The following MARCHF6 variants were observed in gnomAD, a reference collection of about 807,000 sequenced individuals.
The protein encoded by MARCHF6 is E3 ubiquitin-protein ligase MARCHF6.
Under a neutral mutation model 133.7 loss-of-function variants are expected in MARCHF6, and 31 were observed. The observed-to-expected ratio is 0.23, with a 90% confidence interval of 0.17 to 0.31. The LOEUF is 0.31. Ranked by LOEUF, MARCHF6 falls within the 10% of genes least tolerant of loss-of-function variation. The pLI is 1.00. For missense variants in MARCHF6, 723 were observed against 1,121.6 expected (o/e 0.64, Z 5.08); for synonymous variants, 395 against 402.5 (o/e 0.98, Z 0.22).
chr5:10,432,176 G>GAGAA (rs373209474), intron 25 of MARCHF6, among the ~76,000 whole-genome samples: 89 of 152,344 alleles, frequency 5.8e-4, no homozygotes, highest in African/African-American at 2.1e-3. Flanking sequence ...AGTCAAGGTA[G>GAGAA]AGAAGGTACT....
At chr5:10,424,729 G>T (rs1739995668) in intron 23 of MARCHF6, among the ~76,000 whole-genome samples, 1 of 152,146 alleles carries the variant, frequency 6.6e-6, no homozygotes, top group Admixed American at 6.5e-5. Flanking sequence ...GTGGGGGAAA[G>T]GTTATTGCTC....
Position 10,377,897 on chromosome 5 carries a change from A to G in MARCHF6, c.116+3A>G. 6.3e-7 allele frequency: 1 copy of G among 1,587,814 alleles called. No individual in the cohort carries two copies. Among genetic ancestry groups the G allele is most frequent in the Non-Finnish European group, 8.6e-7 (1 of 1,156,274 alleles). The stretch of plus-strand genomic sequence containing the variant: ...ATTAAGTTTATCCATCAAGAATGGT[A>G]AGTCATACTTTTAGAAAGTTATGTA... On this transcript the variant is annotated splice_donor_region_variant and intron_variant, in intron 2 of 25. Coordinates refer to ENST00000274140, the MANE Select transcript of MARCHF6 (RefSeq NM_005885.4).
intron 19 of MARCHF6, among the ~76,000 whole-genome samples, chr5:10,413,654 TG>T (rs773588833): frequency 2.0e-5 from 3 of 152,206 alleles, no homozygotes; most frequent in Non-Finnish European, 4.4e-5. Context: ...CTCACAATCA[TG>T]GTGGAAGGTG....
rs1044353474 is a variant in MARCHF6 at position 10,378,630 on chromosome 5, C to T, written c.117-129C>T. On this transcript the variant is annotated intron_variant, in intron 2 of 25. Coordinates refer to ENST00000274140, the MANE Select transcript of MARCHF6 (RefSeq NM_005885.4). ...GCAGTTACAAAAAGTTAAGAATATT[C>T]TAAATTTGAAAATTTTGAAACTAAA... The T allele has an allele frequency of 9.9e-6, 6 of 607,546 alleles. No individual in the cohort carries two copies. The African/African-American group carries it at 1.2e-4, about 12-fold the overall frequency. The allele number at this position is 607,546 out of a possible 1,614,324, so 37.6% of individuals were successfully genotyped here. A position where few individuals can be genotyped will look rare whatever the true frequency, so the allele number is the denominator to read the frequency against.
rs972768964 is a variant in MARCHF6 at position 10,419,296 on chromosome 5, C to T, written c.2283+1892C>T. On this transcript the variant is annotated intron_variant, in intron 22 of 25. Coordinates refer to ENST00000274140, the MANE Select transcript of MARCHF6 (RefSeq NM_005885.4). ...TAGTCACTACGTAATTATAAAATTACGTAGGCTTGTTAGGCCTCAGTTATA... is the reference window on the plus strand; with the variant it reads ...TAGTCACTACGTAATTATAAAATTATGTAGGCTTGTTAGGCCTCAGTTATA... Among the ~76,000 whole-genome samples the T allele has an allele frequency of 3.9e-5, 6 of 152,216 alleles. No homozygotes were observed. In the East Asian group the frequency reaches 5.8e-4, roughly 15 times the overall value.
intron 5 of MARCHF6, among the ~76,000 whole-genome samples, chr5:10,387,622 G>T (rs1293418237): frequency 2.6e-5 from 4 of 151,898 alleles, no homozygotes; most frequent in African/African-American, 9.7e-5. Flanking sequence ...TTTTAAATAG[G>T]CTGTCACGCA....
chr5:10,365,985 T>C (rs574361759), intron 1 of MARCHF6, among the ~76,000 whole-genome samples: 1 of 152,304 alleles, frequency 6.6e-6, no homozygotes, highest in Non-Finnish European at 1.5e-5. Context: ...CAGGCTGGAA[T>C]GCAGTCACGC....
chr5:10,424,920 G>C (rs1258024341), intron 23 of MARCHF6, among the ~76,000 whole-genome samples: 1 of 152,310 alleles, frequency 6.6e-6, no homozygotes, highest in South Asian at 2.1e-4. Flanking sequence ...AGACTAGAAA[G>C]TATGGTAATT....
intron 4 of MARCHF6, among the ~76,000 whole-genome samples, chr5:10,385,751 A>G (rs1264688467): frequency 6.6e-6 from 1 of 152,254 alleles, no homozygotes; most frequent in African/African-American, 2.4e-5. Flanking sequence ...AAGAACTTTT[A>G]TACACCAGAA....
intron 5 of MARCHF6, among the ~76,000 whole-genome samples, chr5:10,390,051 T>C (rs1737730166): frequency 1.3e-5 from 2 of 152,200 alleles, no homozygotes; most frequent in South Asian, 4.1e-4. Context: ...AGATAGGCTA[T>C]GGATAGGTAA....
intron 17 of MARCHF6, among the ~76,000 whole-genome samples, chr5:10,408,536 A>G (rs967332686): frequency 1.3e-5 from 2 of 152,150 alleles, no homozygotes; most frequent in African/African-American, 2.4e-5. Context: ...TAAGGTTTTT[A>G]AATTTTATTT....
At chr5:10,404,076 T>TTACTTAC (rs1554023553) in intron 15 of MARCHF6, among the ~76,000 whole-genome samples, 1 of 136,210 alleles carries the variant, frequency 7.3e-6, no homozygotes, top group Non-Finnish European at 1.6e-5. Context: ...TATTTATTTA[T>TTACTTAC]TTACTTATTT....
At chr5:10,366,169 T>C (rs780416137) in intron 1 of MARCHF6, among the ~76,000 whole-genome samples, 5 of 152,060 alleles carry the variant, frequency 3.3e-5, no homozygotes, top group Admixed American at 2.6e-4. Context: ...TGGACTCAAG[T>C]GATCCATCTT....
chr5:10,385,582 G>T (rs1737418257), intron 4 of MARCHF6, among the ~76,000 whole-genome samples: 1 of 152,130 alleles, frequency 6.6e-6, no homozygotes, highest in Non-Finnish European at 1.5e-5. Context: ...AGCAGCACAG[G>T]TTAATGCTAA....
chr5:10,400,783 G>A lies in MARCHF6; in HGVS notation c.914-1G>A. 1 of 1,611,102 alleles carries A rather than the reference G, an allele frequency of 6.2e-7. No homozygotes were observed. The highest frequency in any genetic ancestry group is 8.5e-7 in the Non-Finnish European group (1 of 1,177,572). ...TCATGGAATTTTTTCCCCCTTTTTAGCATTTTGCCCTTACCATATTGGTCA... is the reference window on the plus strand; with the variant it reads ...TCATGGAATTTTTTCCCCCTTTTTAACATTTTGCCCTTACCATATTGGTCA... On this transcript the variant is annotated splice_acceptor_variant, in intron 10 of 25. Transcript: ENST00000274140. LOFTEE classifies it high-confidence loss of function.
chr5:10,385,919 G>A (rs1337699983), intron 4 of MARCHF6, among the ~76,000 whole-genome samples: 1 of 152,000 alleles, frequency 6.6e-6, no homozygotes, highest in East Asian at 1.9e-4. Context: ...TTTATATACA[G>A]ATACACACAA....
intron 24 of MARCHF6, among the ~76,000 whole-genome samples, chr5:10,427,436 C>G (rs1391103601): frequency 1.3e-5 from 2 of 152,172 alleles, no homozygotes; most frequent in Non-Finnish European, 2.9e-5. Flanking sequence ...CAAGGCTCCT[C>G]CTTTTGCTTT....
intron 9 of MARCHF6, among the ~76,000 whole-genome samples, chr5:10,395,823 A>G (rs925026651): frequency 1.3e-5 from 2 of 152,218 alleles, no homozygotes; most frequent in Non-Finnish European, 2.9e-5. Flanking sequence ...GATGTTAACC[A>G]GAAGAGGATG....
intron 21 of MARCHF6, among the ~76,000 whole-genome samples, chr5:10,415,891 G>A (rs1377435629): frequency 6.6e-6 from 1 of 152,236 alleles, no homozygotes; most frequent in Non-Finnish European, 1.5e-5. Context: ...AAGAAAAACA[G>A]GTTGGGCACA....
Sources: allele counts gnomAD v4.1 joint callset (sites outside exome capture counted in the v4.1 genomes callset), GRCh38; gene constraint gnomAD v4.1.1; transcripts MANE v1.5; gene names NCBI Gene and HGNC (gene_info 2026-07-23, HGNC 2026-07-21).